HHIPL2: variants seen among roughly 807,000 people sequenced by gnomAD.
HHIPL2 encodes the protein HHIP-like protein 2.
Under a neutral mutation model 61.0 loss-of-function variants are expected in HHIPL2, and 61 were observed. The observed-to-expected ratio is 1.00, with a 90% CI of 0.81 to 1.24. The LOEUF (loss-of-function observed/expected upper bound fraction) is 1.24, where lower values mean the gene tolerates loss of function less well. Among genes scored for constraint, HHIPL2 ranks in the 50% most tolerant of loss-of-function variants. HHIPL2 has a pLI of 0.00. For missense variants in HHIPL2, 885 were observed against 910.2 expected (o/e 0.97, Z 0.36); for synonymous variants, 343 against 357.4 (o/e 0.96, Z 0.45).
At chr1:222,535,728 C>G (rs938862084) in intron 5 of HHIPL2, among the ~76,000 whole-genome samples, 1 of 152,138 alleles carries the variant, frequency 6.6e-6, no homozygotes, top group Non-Finnish European at 1.5e-5. Flanking sequence ...CCTTCCTCTT[C>G]TAAACACACT....
chr1:222,527,557 C>A (rs372643063), intron 6 of HHIPL2, among the ~76,000 whole-genome samples: 1 of 152,252 alleles, frequency 6.6e-6, no homozygotes, highest in African/African-American at 2.4e-5. Context: ...CCTCCCCACT[C>A]TCCATTTCTC....
In HHIPL2 at chr1:222,527,056, G is replaced by T; in HGVS notation, c.1724-6C>A. ...CGCCAGGAAATACAGCTCCCCTAAGGCAACAAAAATAGACAGGCAATAATG... is the reference window on the plus strand; with the variant it reads ...CGCCAGGAAATACAGCTCCCCTAAGTCAACAAAAATAGACAGGCAATAATG... On this transcript the variant is annotated splice_region_variant and splice_polypyrimidine_tract_variant and intron_variant, in intron 6 of 8. Transcript: ENST00000343410. 6.2e-7 allele frequency: 1 copy of T among 1,610,126 alleles called. No homozygotes were observed. Among genetic ancestry groups the T allele is most frequent in the Non-Finnish European group, 8.5e-7 (1 of 1,177,364 alleles).
intron 1 of HHIPL2, among the ~76,000 whole-genome samples, chr1:222,546,074 A>ATAAATAAATAAATAAG (rs71175168): frequency 6.6e-6 from 1 of 151,842 alleles, no homozygotes; most frequent in African/African-American, 2.4e-5. Flanking sequence ...AAATAAATAA[A>ATAAATAAATAAATAAG]AGTCCTATGT....
chr1:222,538,799 T>C, intron 4 of HHIPL2, 25 bp from the exon 5 acceptor site: 1 of 1,610,860 alleles, frequency 6.2e-7, no homozygotes, highest in Non-Finnish European at 8.5e-7. Flanking sequence ...GGAAAGAGAG[T>C]GAGTGTCGTG....
chr1:222,526,829 C>T (rs1659076980), intron 7 of HHIPL2, 140 bp downstream of exon 7: 1 of 651,984 alleles, frequency 1.5e-6, no homozygotes, highest in South Asian at 1.9e-5. Flanking sequence ...GATGCATTGT[C>T]CTATGCCATT....
chr1:222,538,100 C>A (rs1403180688), intron 5 of HHIPL2, among the ~76,000 whole-genome samples: 1 of 151,936 alleles, frequency 6.6e-6, no homozygotes, highest in Non-Finnish European at 1.5e-5. Flanking sequence ...AGAAGCCAAG[C>A]ACAAAAAGAA....
chr1:222,542,226 A>G, intron 2 of HHIPL2, 71 bp from the exon 3 acceptor site: 1 of 1,556,406 alleles, frequency 6.4e-7, no homozygotes, highest in Non-Finnish European at 8.7e-7. Flanking sequence ...TGAGATACCC[A>G]GAAATGACTG....
chr1:222,537,927 A>G (rs985633547), intron 5 of HHIPL2, among the ~76,000 whole-genome samples: 3 of 152,228 alleles, frequency 2.0e-5, no homozygotes, highest in Non-Finnish European at 2.9e-5. Context: ...GTTATTCACA[A>G]TATTTCATAA....
chr1:222,544,382 A>C (rs2102623045), intron 1 of HHIPL2, among the ~76,000 whole-genome samples, 193 bp from the exon 2 acceptor site: 1 of 152,302 alleles, frequency 6.6e-6, no homozygotes, highest in East Asian at 1.9e-4. Context: ...AAGGCAGAAA[A>C]CAGGGAAAAT....
intron 3 of HHIPL2, among the ~76,000 whole-genome samples, 174 bp from the exon 4 acceptor site, chr1:222,540,515 G>A (rs1278854907): frequency 6.6e-6 from 1 of 152,170 alleles, no homozygotes; most frequent in East Asian, 1.9e-4. Context: ...GTATGAGCTT[G>A]AAGATTTTCT....
Position 222,527,109 on chromosome 1 carries a change from G to A in HHIPL2, c.1724-59C>T, listed in dbSNP as rs377559035. 2.9e-5 allele frequency: 38 copies of A among 1,312,892 alleles called. No individual in the cohort carries two copies. The East Asian group carries it at 6.5e-4, about 22-fold the overall frequency. The allele number at this position is 1,312,892 out of a possible 1,614,324, so 81.3% of individuals were successfully genotyped here. ...ACATCAGGCAGCACTGAGACACAGA[G>A]TTGGATGCACAGAAAATGGTCAAAA... On this transcript the variant is annotated intron_variant, in intron 6 of 8. Transcript: ENST00000343410.
Position 222,538,659 on chromosome 1 carries a change from G to T in HHIPL2, c.1566C>A (p.Asp522Glu). ...PNLNGLYIFG[D>E]FMSGRLMALQ... is the part of the protein sequence containing the mutation. ...CAGTCCTTCCTTACCCACTCATGAA[G>T]TCTCCAAAGATATACAGGCCATTGA... The change falls in exon 5 of 9, where the codon GAC (aspartate) becomes GAA (glutamate). Residue 522 changes from aspartate (D) to glutamate (E), a missense_variant. By Grantham distance (45) the Asp-to-Glu change is conservative. Coordinates refer to ENST00000343410, the MANE Select transcript of HHIPL2 (RefSeq NM_024746.4). 6.2e-7 allele frequency: 1 copy of T among 1,613,680 alleles called. No individual in the cohort carries two copies. Among genetic ancestry groups the T allele is most frequent in the Non-Finnish European group, 8.5e-7 (1 of 1,179,634 alleles).
At chr1:222,523,944 G>A in intron 7 of HHIPL2, 2 of 490,652 alleles carry the variant, frequency 4.1e-6, no homozygotes, top group South Asian at 2.6e-5. Context: ...CATGGTGGCA[G>A]TCAAAACGGG....
Position 222,543,681 on chromosome 1 carries a change from A to G in HHIPL2, c.830T>C (p.Leu277Ser), listed in dbSNP as rs924721811. Residue 277 changes from leucine to serine, a missense_variant, in exon 2 of 9, where the codon TTG becomes TCG. Physicochemically the swap from Leu to Ser is moderately radical, Grantham distance 145. Coordinates refer to ENST00000343410, the MANE Select transcript of HHIPL2 (RefSeq NM_024746.4). ...WIGDERGFLG[L>S]AFHPKFRHNR... ...GTGGCGGAATTTGGGGTGAAAAGCC[A>G]ACCCCAAGAAGCCTCTCTCATCCCC... is the stretch of plus-strand genomic sequence containing the variant. 7 of 1,614,196 alleles carry G rather than the reference A, an allele frequency of 4.3e-6. No homozygotes were observed. The highest frequency in any genetic ancestry group is 5.9e-6 in the Non-Finnish European group (7 of 1,180,038).
At chr1:222,528,841 T>TTA (rs3063257) in intron 6 of HHIPL2, among the ~76,000 whole-genome samples, 1 of 149,340 alleles carries the variant, frequency 6.7e-6, no homozygotes, top group African/African-American at 2.4e-5. Context: ...TTTTTTTTTT[T>TTA]AGACAAGGTC....
At chr1:222,528,240 T>C (rs936969334) in intron 6 of HHIPL2, among the ~76,000 whole-genome samples, 1 of 152,198 alleles carries the variant, frequency 6.6e-6, no homozygotes, top group African/African-American at 2.4e-5. Flanking sequence ...TGCACAGCCC[T>C]CGAGATATTT....
rs1658970806 is a variant in HHIPL2 at position 222,522,420 on chromosome 1, A to G, written c.*181T>C. 1.1e-5 allele frequency: 7 copies of G among 666,516 alleles called. No individual in the cohort carries two copies. Among genetic ancestry groups the G allele is most frequent in the Non-Finnish European group, 1.8e-5 (7 of 381,014 alleles). 41.3% of individuals were successfully genotyped at this position (666,516 alleles called of 1,614,324 possible). On this transcript the variant is annotated 3_prime_UTR_variant, in exon 9 of 9. Transcript: ENST00000343410. ...ATGGTCTCCCACAGAAGCACTGCAT[A>G]CAGAGAAGGTGCATTTATTTATTCA...
intron 5 of HHIPL2, among the ~76,000 whole-genome samples, chr1:222,536,664 T>C (rs528089749): frequency 1.2e-3 from 180 of 152,268 alleles, no homozygotes; most frequent in Admixed American, 3.1e-3. Context: ...GACAAATATA[T>C]TACAAGAAAG....
chr1:222,547,254 G>A (rs1196391068), intron 1 of HHIPL2, among the ~76,000 whole-genome samples: 1 of 152,182 alleles, frequency 6.6e-6, no homozygotes, highest in African/African-American at 2.4e-5. Context: ...GCCACCGCCA[G>A]GGTGACGCCA....
Sources: allele counts gnomAD v4.1 joint callset (sites outside exome capture counted in the v4.1 genomes callset), GRCh38; gene constraint gnomAD v4.1.1; transcripts MANE v1.5; gene names NCBI Gene and HGNC (gene_info 2026-07-23, HGNC 2026-07-21).